Variants in ZNF407 observed in about 807,000 individuals in gnomAD.
ZNF407 encodes zinc finger protein 407.
ZNF407 carries 17 observed loss-of-function variants against 131.2 expected under a neutral mutation model. The observed-to-expected ratio is 0.13, with a 90% CI of 0.09 to 0.19. The LOEUF (loss-of-function observed/expected upper bound fraction) is 0.19, where lower values mean the gene tolerates loss of function less well. ZNF407 is among the 10% of genes least tolerant of loss of function. The pLI is 1.00. For missense variants in ZNF407, 2,681 were observed against 2,830.6 expected (o/e 0.95, Z 1.20); for synonymous variants, 1,156 against 1,062.0 (o/e 1.09, Z -1.72).
In ZNF407 at chr18:75,046,950, A is replaced by G. The variant is rs114434063; in HGVS notation, c.5429-16200A>G. ...TCATGGCAGTTACTCTGTAGGTTAA[A>G]AAGTATCTGAAGAAAAAGGGAAGGA... is the stretch of plus-strand genomic sequence containing the variant. On this transcript the variant is annotated intron_variant, in intron 8 of 8. Transcript: ENST00000299687. Among the ~76,000 whole-genome samples the G allele has an allele frequency of 8.5e-3, 1,298 of 152,314 alleles. 25 individuals are homozygous for G. Among genetic ancestry groups the G allele is most frequent in the African/African-American group, 0.029 (1,206 of 41,548 alleles).
intron 3 of ZNF407, among the ~76,000 whole-genome samples, chr18:74,699,703 A>G (rs561258947): frequency 1.1e-4 from 16 of 151,994 alleles, no homozygotes; most frequent in Non-Finnish European, 2.1e-4. Flanking sequence ...GACATTTTCC[A>G]TTTGTTTTAT....
chr18:74,700,895 G>A (rs950398602), intron 3 of ZNF407, among the ~76,000 whole-genome samples: 2 of 152,098 alleles, frequency 1.3e-5, no homozygotes, highest in African/African-American at 4.8e-5. Flanking sequence ...CAGACATTTA[G>A]TGGGAGCTCT....
Position 74,728,936 on chromosome 18 carries a change from G to A in ZNF407, c.4803-52492G>A, listed in dbSNP as rs577032202. Among the ~76,000 whole-genome samples the A allele has an allele frequency of 9.2e-5, 14 of 152,232 alleles. No homozygotes were observed. In the South Asian group the frequency reaches 2.9e-3, roughly 32 times the overall value. On this transcript the variant is annotated intron_variant, in intron 3 of 8. Coordinates refer to ENST00000299687, the MANE Select transcript of ZNF407 (RefSeq NM_017757.3). Reference sequence around the variant, plus strand: ...GGTACGGTTGTTTTTAAAAAAGAAGGGGCTCCTTTCCACTTTTAGTCACTG... The same window carrying A: ...GGTACGGTTGTTTTTAAAAAAGAAGAGGCTCCTTTCCACTTTTAGTCACTG...
chr18:74,859,810 G>A (rs2145157638), intron 4 of ZNF407, among the ~76,000 whole-genome samples: 1 of 152,272 alleles, frequency 6.6e-6, no homozygotes, highest in East Asian at 1.9e-4. Flanking sequence ...CCAGAACACA[G>A]GATAGGACCT....
Position 74,703,636 on chromosome 18 carries a change from G to A in ZNF407, c.4802+62514G>A, listed in dbSNP as rs1362538952. Among the ~76,000 whole-genome samples the A allele has an allele frequency of 6.6e-6, 1 of 152,094 alleles. No individual in the cohort carries two copies. Among genetic ancestry groups the A allele is most frequent in the Non-Finnish European group, 1.5e-5 (1 of 68,034 alleles). On this transcript the variant is annotated intron_variant, in intron 3 of 8. Coordinates refer to ENST00000299687, the MANE Select transcript of ZNF407 (RefSeq NM_017757.3). This position sits in a 1 kb window ranked among gnomAD's most constrained non-coding sequence, Gnocchi z 4.1. ...CCTCCTCGGCCTCCCAAAGTGCTGGGATTACAGTTGTGAGCCACCGTGCCC... is the reference window on the plus strand; with the variant it reads ...CCTCCTCGGCCTCCCAAAGTGCTGGAATTACAGTTGTGAGCCACCGTGCCC...
intron 8 of ZNF407, among the ~76,000 whole-genome samples, chr18:74,988,155 A>G (rs537957566): frequency 6.6e-6 from 1 of 152,244 alleles, no homozygotes; most frequent in Non-Finnish European, 1.5e-5. Flanking sequence ...ACAAGATGCC[A>G]AGGAGGAAGG....
At chr18:74,657,136 G>A (rs915680909) in intron 3 of ZNF407, among the ~76,000 whole-genome samples, 41 of 136,904 alleles carry the variant, frequency 3.0e-4, no homozygotes, top group African/African-American at 1.0e-3. Context: ...GTTTGCTTAC[G>A]TATTATTTTT....
rs532714432 is a variant in ZNF407, at chr18:74,704,062, C to T, written c.4802+62940C>T. Among the ~76,000 whole-genome samples the T allele has an allele frequency of 1.5e-4, 23 of 152,032 alleles. No individual in the cohort carries two copies. The South Asian group carries it at 4.0e-3, about 26-fold the overall frequency. On this transcript the variant is annotated intron_variant, in intron 3 of 8. Coordinates refer to ENST00000299687, the MANE Select transcript of ZNF407 (RefSeq NM_017757.3). Reference sequence around the variant, plus strand: ...TTCTCATCTTACATGTAAGGGACACCGACATTTCATCTCATGTGTCCTCCA... The same window carrying T: ...TTCTCATCTTACATGTAAGGGACACTGACATTTCATCTCATGTGTCCTCCA...
At chr18:74,708,762 G>A (rs778834220) in intron 3 of ZNF407, among the ~76,000 whole-genome samples, 3 of 152,216 alleles carry the variant, frequency 2.0e-5, no homozygotes, top group Admixed American at 6.5e-5. Flanking sequence ...AACCCCGCAC[G>A]CGGCTTGATT....
intron 3 of ZNF407, among the ~76,000 whole-genome samples, chr18:74,736,410 TA>T (rs1968413384): frequency 1.3e-5 from 2 of 152,210 alleles, no homozygotes; most frequent in South Asian, 4.1e-4. Flanking sequence ...GTTGTTTAAA[TA>T]AAATACAGGT....
intron 3 of ZNF407, among the ~76,000 whole-genome samples, chr18:74,762,027 TAGTC>T (rs1448624991): frequency 6.6e-6 from 1 of 152,140 alleles, no homozygotes; most frequent in Non-Finnish European, 1.5e-5. Flanking sequence ...GTTATTTATA[TAGTC>T]AGTCAGTCTC....
chr18:74,821,214 G>A (rs764588695), intron 4 of ZNF407, among the ~76,000 whole-genome samples: 14 of 151,816 alleles, frequency 9.2e-5, no homozygotes, highest in Non-Finnish European at 1.9e-4. Context: ...CTAGTATTTT[G>A]CAAAGTCTTA....
intron 4 of ZNF407, among the ~76,000 whole-genome samples, chr18:74,829,969 G>A (rs1970460392): frequency 6.6e-6 from 1 of 152,070 alleles, no homozygotes; most frequent in Non-Finnish European, 1.5e-5. Flanking sequence ...AAATATAGTA[G>A]GTTCTATGAG....
rs574210315 is a variant in ZNF407, at chr18:74,885,632, T to A, written c.5129-4286T>A. 1.1e-3 allele frequency among the ~76,000 whole-genome samples: 168 copies of A among 152,242 alleles called. 1 individual carries two copies. Among genetic ancestry groups the A allele is most frequent in the African/African-American group, 3.9e-3 (162 of 41,548 alleles). On this transcript the variant is annotated intron_variant, in intron 6 of 8. Coordinates refer to ENST00000299687, the MANE Select transcript of ZNF407 (RefSeq NM_017757.3). ...TGGTGTTGGCATCAAGACAGACAAATGTTTATTAGTGGAAGAGAATGGAGA... is the reference window on the plus strand; with the variant it reads ...TGGTGTTGGCATCAAGACAGACAAAAGTTTATTAGTGGAAGAGAATGGAGA...
intron 6 of ZNF407, among the ~76,000 whole-genome samples, chr18:74,883,617 C>G (rs771734631): frequency 1.3e-5 from 2 of 152,170 alleles, no homozygotes; most frequent in Non-Finnish European, 2.9e-5. Context: ...AAGATCCTCA[C>G]GTGTGGTTGA....
chr18:74,815,753 A>G (rs1243586157), intron 4 of ZNF407, among the ~76,000 whole-genome samples: 1 of 152,210 alleles, frequency 6.6e-6, no homozygotes. Context: ...GCTGTGTGAC[A>G]TAAACTGAAT....
chr18:74,661,545 A>T (rs1332332652), intron 3 of ZNF407, among the ~76,000 whole-genome samples: 1 of 151,858 alleles, frequency 6.6e-6, no homozygotes, highest in Non-Finnish European at 1.5e-5. Context: ...ATGTTTATTA[A>T]TGATATCTGT....
intron 7 of ZNF407, among the ~76,000 whole-genome samples, chr18:74,907,869 G>T (rs887596509): frequency 2.0e-4 from 31 of 151,986 alleles, no homozygotes; most frequent in Admixed American, 1.3e-3. Context: ...CATTACCAGA[G>T]GTATATCATT....
intron 4 of ZNF407, among the ~76,000 whole-genome samples, chr18:74,799,627 G>C (rs1448777096): frequency 6.6e-6 from 1 of 152,024 alleles, no homozygotes; most frequent in Non-Finnish European, 1.5e-5. Context: ...CATATAACAA[G>C]TCAGTATCTC....
Sources: gnomAD v4.1 joint callset for allele counts (sites outside exome capture counted in the v4.1 genomes callset) on GRCh38, gnomAD v4.1.1 for gene constraint, Gnocchi (gnomAD v3.1) non-coding constraint, MANE v1.5 for transcripts, NCBI Gene and HGNC (gene_info 2026-07-23, HGNC 2026-07-21) for gene names.